RBKS: variants seen among roughly 807,000 people sequenced by gnomAD.
The protein encoded by RBKS is ribokinase.
A neutral mutation model predicts 33.9 loss-of-function variants in RBKS; 33 were observed. That is an observed-to-expected ratio of 0.97 (90% CI 0.74 to 1.30). The LOEUF is 1.30. Among genes scored for constraint, RBKS ranks in the 50% most tolerant of loss-of-function variants. The pLI is 0.00. For missense variants in RBKS, 361 were observed against 392.6 expected, an observed-to-expected ratio of 0.92 and a Z score of 0.68; for synonymous variants, 125 against 143.0, an observed-to-expected ratio of 0.87 and a Z score of 0.90.
In RBKS at chr2:27,819,533, C is replaced by T. The variant is rs180704874; in HGVS notation, c.795+8034G>A. ...ACTGTTTCAAATGGGAGATGAAGTA[C>T]GTGAACTACCAAATACCTAAACATG... On this transcript the variant is annotated intron_variant, in intron 7 of 7. Coordinates refer to ENST00000302188, the MANE Select transcript of RBKS (RefSeq NM_022128.3). 2.5e-3 allele frequency among the ~76,000 whole-genome samples: 388 copies of T among 152,276 alleles called. 1 individual carries two copies. The highest frequency in any genetic ancestry group is 8.8e-3 in the African/African-American group (367 of 41,560).
intron 5 of RBKS, among the ~76,000 whole-genome samples, chr2:27,834,479 C>T (rs2148206272): frequency 6.6e-6 from 1 of 152,252 alleles, no homozygotes; most frequent in Admixed American, 6.5e-5. Flanking sequence ...TTATATTGTC[C>T]TTTACAGATA....
rs562963894 is a variant in RBKS, at chr2:27,796,482, A to C, written c.796-14694T>G. ...TTCTCACAGTGATTTCCTCTTAAGG[A>C]AGAGCTGCTCTTATAGAGTGGGTGT... On this transcript the variant is annotated intron_variant, in intron 7 of 7. Coordinates refer to ENST00000302188, the MANE Select transcript of RBKS (RefSeq NM_022128.3). 3.3e-5 allele frequency among the ~76,000 whole-genome samples: 5 copies of C among 152,306 alleles called. No homozygotes were observed. The East Asian group carries it at 9.6e-4, about 29-fold the overall frequency.
intron 7 of RBKS, among the ~76,000 whole-genome samples, chr2:27,821,490 A>G (rs1302692567): frequency 6.6e-6 from 1 of 152,196 alleles, no homozygotes; most frequent in African/African-American, 2.4e-5. Flanking sequence ...CATAGAAAAA[A>G]ATCTGGAAAG....
At chr2:27,784,953 G>A (rs576149919) in intron 7 of RBKS, among the ~76,000 whole-genome samples, 1 of 152,218 alleles carries the variant, frequency 6.6e-6, no homozygotes, top group East Asian at 1.9e-4. Flanking sequence ...TGAAACCTGA[G>A]GAACTATGAG....
chr2:27,786,793 AAAG>A (rs749646921), intron 7 of RBKS, among the ~76,000 whole-genome samples: 1,562 of 81,236 alleles, frequency 0.019, 21 homozygotes, highest in African/African-American at 0.067. Context: ...AAAAAAAAAA[AAAG>A]AAAGAAAGTT....
intron 5 of RBKS, among the ~76,000 whole-genome samples, chr2:27,838,740 C>A (rs377101216): frequency 1.3e-5 from 2 of 152,290 alleles, no homozygotes; most frequent in African/African-American, 4.8e-5. Context: ...CATCCTGGGA[C>A]CAGGCAGAGC....
At chr2:27,799,658 G>A (rs927250355) in intron 7 of RBKS, among the ~76,000 whole-genome samples, 1 of 152,206 alleles carries the variant, frequency 6.6e-6, no homozygotes, top group Non-Finnish European at 1.5e-5. Flanking sequence ...GAGGGCAAAT[G>A]TAAACCACCA....
chr2:27,818,599 CAA>C (rs761477145), intron 7 of RBKS, among the ~76,000 whole-genome samples: 6 of 152,204 alleles, frequency 3.9e-5, no homozygotes, highest in Non-Finnish European at 8.8e-5. Flanking sequence ...CCTCCTCCCT[CAA>C]ACAGTCAAAA....
intron 1 of RBKS, among the ~76,000 whole-genome samples, chr2:27,860,559 A>G (rs552436258): frequency 6.6e-6 from 1 of 152,322 alleles, no homozygotes; most frequent in South Asian, 2.1e-4. Flanking sequence ...TAACTGTGAG[A>G]ATTCATTTAA....
Position 27,832,693 on chromosome 2 carries a change from T to G in RBKS, c.599A>C (p.Glu200Ala). The G allele has an allele frequency of 6.8e-6, 11 of 1,610,028 alleles. No individual in the cohort carries two copies. The highest frequency in any genetic ancestry group is 8.5e-6 in the Non-Finnish European group (10 of 1,176,438). ...AAAGCAATTCACCCTTACCTCACTT[T>G]CATTGCAGCAGAACACATCTGAGAG... The part of the protein sequence containing the change: ...YTLSDVFCCN[E>A]SEAEILTGLT... Residue 200 changes from glutamate to alanine, a missense_variant, in exon 6 of 8, where the codon GAA becomes GCA. Coordinates refer to ENST00000302188, the MANE Select transcript of RBKS (RefSeq NM_022128.3).
At chr2:27,853,400 T>C (rs1048846594) in intron 2 of RBKS, among the ~76,000 whole-genome samples, 2 of 146,980 alleles carry the variant, frequency 1.4e-5, no homozygotes, top group African/African-American at 5.1e-5. Flanking sequence ...GGTGCACACC[T>C]GTAATCCCAG....
chr2:27,825,620 A>G (rs2148201480), intron 7 of RBKS, among the ~76,000 whole-genome samples: 1 of 152,350 alleles, frequency 6.6e-6, no homozygotes, highest in Middle Eastern at 3.4e-3. Flanking sequence ...CATGAGACAC[A>G]GCGTGGGTAG....
chr2:27,849,559 C>CA (rs70953894), intron 2 of RBKS, among the ~76,000 whole-genome samples: 6,050 of 28,554 alleles, frequency 0.21, 1,301 homozygotes, highest in East Asian at 0.6. Flanking sequence ...GACTCTGTCT[C>CA]AAAAAAAAAA....
At chr2:27,817,877 T>C (rs376232750) in intron 7 of RBKS, among the ~76,000 whole-genome samples, 25 of 152,142 alleles carry the variant, frequency 1.6e-4, no homozygotes, top group African/African-American at 4.8e-4. Context: ...ATCACAAGAA[T>C]AGCATGGCGA....
chr2:27,788,197 T>C (rs567884604), intron 7 of RBKS, among the ~76,000 whole-genome samples: 2 of 152,334 alleles, frequency 1.3e-5, no homozygotes, highest in South Asian at 4.1e-4. Flanking sequence ...CTGTTCTCAC[T>C]ACTTCTACTC....
chr2:27,825,349 A>G (rs1045341133), intron 7 of RBKS, among the ~76,000 whole-genome samples: 6 of 152,206 alleles, frequency 3.9e-5, no homozygotes, highest in African/African-American at 1.4e-4. Flanking sequence ...TAGCCACGTC[A>G]TGTACAAAGA....
intron 5 of RBKS, among the ~76,000 whole-genome samples, chr2:27,833,090 G>C (rs899814648): frequency 6.6e-6 from 1 of 152,184 alleles, no homozygotes; most frequent in Admixed American, 6.5e-5. Flanking sequence ...AAGTAAAAAT[G>C]CTGTGGCATG....
chr2:27,832,622 T>C, intron 6 of RBKS, 64 bp downstream of exon 6: 8 of 1,028,054 alleles, frequency 7.8e-6, no homozygotes, highest in Non-Finnish European at 1.2e-5. Context: ...TTCTGCCCCT[T>C]TGCTTTATCC....
chr2:27,791,815 T>C (rs1677532970), intron 7 of RBKS, among the ~76,000 whole-genome samples: 1 of 152,090 alleles, frequency 6.6e-6, no homozygotes, highest in South Asian at 2.1e-4. Context: ...GGCCAGGGGC[T>C]GGGGAGTACT....
Sources: gnomAD v4.1 joint callset for allele counts (sites outside exome capture counted in the v4.1 genomes callset) on GRCh38, gnomAD v4.1.1 for gene constraint, MANE v1.5 for transcripts, NCBI Gene and HGNC (gene_info 2026-07-23, HGNC 2026-07-21) for gene names.